The following GAB2 variants were observed in gnomAD, a reference collection of about 807,000 sequenced individuals.
The protein encoded by GAB2 is GRB2-associated-binding protein 2.
GAB2 carries 26 observed loss-of-function variants against 65.5 expected under a neutral mutation model. The ratio of observed to expected loss-of-function variants is 0.40; its 90% confidence interval spans 0.29 to 0.55. GAB2 has a LOEUF of 0.55. Among genes scored for constraint, GAB2 ranks in the 20% least tolerant of loss-of-function variants. The probability of loss-of-function intolerance (pLI) is 0.53; values close to 1 mark genes in which losing one functional copy is unlikely to be tolerated. For synonymous variants in GAB2, 321 were observed against 329.6 expected (o/e 0.97, Z 0.28); for missense variants, 884 against 875.8 (o/e 1.01, Z -0.12).
chr11:78,295,893 A>T (rs1037891068), intron 1 of GAB2, among the ~76,000 whole-genome samples: 1 of 152,294 alleles, frequency 6.6e-6, no homozygotes. Context: ...CAGCACAAAC[A>T]CTGTATTAGT....
chr11:78,276,126 A>AAG (rs1554982086), intron 2 of GAB2, among the ~76,000 whole-genome samples: 2 of 151,298 alleles, frequency 1.3e-5, no homozygotes, highest in African/African-American at 4.8e-5. Context: ...AAAAAAAAAA[A>AAG]AAGAAGAAGA....
At chr11:78,346,672 T>C (rs1856184670) in intron 1 of GAB2, among the ~76,000 whole-genome samples, 1 of 66,310 alleles carries the variant, frequency 1.5e-5, no homozygotes, top group Non-Finnish European at 3.0e-5. Context: ...TTACATCCCC[T>C]CCATATATAT....
chr11:78,300,695 G>GTTTTTTTT (rs769243672), intron 1 of GAB2, among the ~76,000 whole-genome samples: 2 of 113,252 alleles, frequency 1.8e-5, no homozygotes, highest in East Asian at 2.9e-4. Flanking sequence ...GTTTTTTTTT[G>GTTTTTTTT]TTTTTTTTTT....
At chr11:78,230,677 G>A (rs1261764435) in intron 3 of GAB2, among the ~76,000 whole-genome samples, 1 of 152,248 alleles carries the variant, frequency 6.6e-6, no homozygotes, top group Non-Finnish European at 1.5e-5. Flanking sequence ...TGTTGAGGGA[G>A]ACTGATTATC....
At chr11:78,415,113 C>A (rs1376650656) in intron 1 of GAB2, among the ~76,000 whole-genome samples, 1 of 152,184 alleles carries the variant, frequency 6.6e-6, no homozygotes, top group Non-Finnish European at 1.5e-5. Flanking sequence ...CTCCAGTGAT[C>A]CACCCGCCTC....
chr11:78,339,126 A>G (rs1422699969), intron 1 of GAB2, among the ~76,000 whole-genome samples: 2 of 151,996 alleles, frequency 1.3e-5, no homozygotes, highest in Non-Finnish European at 2.9e-5. Flanking sequence ...GGGATTTGCC[A>G]TGTTGGCCAG....
chr11:78,351,145 C>T (rs1016805005), intron 1 of GAB2, among the ~76,000 whole-genome samples: 2 of 152,132 alleles, frequency 1.3e-5, no homozygotes, highest in African/African-American at 4.8e-5. Context: ...TCCTAAAATA[C>T]GACAGGACTA....
chr11:78,364,294 C>G (rs949576064), intron 1 of GAB2, among the ~76,000 whole-genome samples: 1 of 152,114 alleles, frequency 6.6e-6, no homozygotes, highest in African/African-American at 2.4e-5. Context: ...CATGAACCAC[C>G]GCATGTGGCT....
Position 78,250,316 on chromosome 11 carries a change from C to T in GAB2, c.461G>A (p.Arg154Gln), listed in dbSNP as rs201941017. ...ELSSSSQHLL[R>Q]ERKSSAPSHS... is the part of the protein sequence containing the mutation. Reference sequence around the variant, plus strand: ...TGATGGGGCTGAGGACTTGCGCTCTCGGAGAAGGTGCTGGCTAGAGCTGCT... The same window carrying T: ...TGATGGGGCTGAGGACTTGCGCTCTTGGAGAAGGTGCTGGCTAGAGCTGCT... Residue 154 changes from arginine to glutamine, a missense_variant, in exon 3 of 10, where the codon CGA becomes CAA. Transcript: ENST00000361507. The T allele has an allele frequency of 1.2e-5, 20 of 1,613,428 alleles. No homozygotes were observed. Among genetic ancestry groups the T allele is most frequent in the African/African-American group, 8.0e-5 (6 of 74,800 alleles).
intron 1 of GAB2, among the ~76,000 whole-genome samples, chr11:78,301,587 C>G (rs1867021216): frequency 1.3e-5 from 2 of 152,162 alleles, no homozygotes; most frequent in African/African-American, 4.8e-5. Context: ...CCCACCTTGG[C>G]CTCTCAAAGT....
At chr11:78,252,093 A>G (rs1157690938) in intron 2 of GAB2, among the ~76,000 whole-genome samples, 1 of 152,156 alleles carries the variant, frequency 6.6e-6, no homozygotes, top group Non-Finnish European at 1.5e-5. Flanking sequence ...GTCAAAGGGG[A>G]CACAGTTCAC....
rs116483523 is a variant in GAB2, at chr11:78,219,070, C to T, written c.*202G>A. The T allele has an allele frequency of 3.6e-4, 198 of 555,202 alleles. 3 individuals are homozygous for T. Among genetic ancestry groups the T allele is most frequent in the African/African-American group, 2.1e-3 (109 of 52,878 alleles). The allele number at this position is 555,202 out of a possible 1,614,324, so 34.4% of individuals were successfully genotyped here. A position where few individuals can be genotyped will look rare whatever the true frequency, so the allele number is the denominator to read the frequency against. On this transcript the variant is annotated 3_prime_UTR_variant, in exon 10 of 10. Coordinates refer to ENST00000361507, the MANE Select transcript of GAB2 (RefSeq NM_080491.3). ...ACTGATAAAAATCACAGCTGGGCCC[C>T]GAGTGGGCAGAGGAGGTGCCTTGAT...
chr11:78,270,724 T>A (rs1865987919), intron 2 of GAB2, among the ~76,000 whole-genome samples: 1 of 152,224 alleles, frequency 6.6e-6, no homozygotes, highest in African/African-American at 2.4e-5. Flanking sequence ...CATCTTGTCC[T>A]ACAGACATAG....
chr11:78,294,524 T>G (rs1866771683), intron 1 of GAB2, among the ~76,000 whole-genome samples: 1 of 152,158 alleles, frequency 6.6e-6, no homozygotes, highest in African/African-American at 2.4e-5. Context: ...TAGTTTACAG[T>G]CCCACCAACA....
chr11:78,416,548 C>T (rs1049708665), intron 1 of GAB2, among the ~76,000 whole-genome samples: 3 of 152,200 alleles, frequency 2.0e-5, no homozygotes, highest in African/African-American at 4.8e-5. Flanking sequence ...GCAACGGCTC[C>T]CTTCCAGGCT....
chr11:78,237,790 G>A (rs554792972), intron 3 of GAB2, among the ~76,000 whole-genome samples: 1 of 152,300 alleles, frequency 6.6e-6, no homozygotes, highest in African/African-American at 2.4e-5. Context: ...ATGCCCATCA[G>A]TGATAGACTG....
At chr11:78,326,846 T>C (rs993200248) in intron 1 of GAB2, among the ~76,000 whole-genome samples, 1 of 152,192 alleles carries the variant, frequency 6.6e-6, no homozygotes, top group Non-Finnish European at 1.5e-5. Flanking sequence ...AATTTCCCCA[T>C]AAGCTATGCT....
At chr11:78,375,494 G>A (rs1380979260) in intron 1 of GAB2, among the ~76,000 whole-genome samples, 1 of 152,060 alleles carries the variant, frequency 6.6e-6, no homozygotes, top group African/African-American at 2.4e-5. Flanking sequence ...GCATTTATTG[G>A]TACAGCAAAT....
intron 1 of GAB2, among the ~76,000 whole-genome samples, chr11:78,407,548 T>G (rs925222638): frequency 4.0e-5 from 6 of 151,618 alleles, no homozygotes; most frequent in Non-Finnish European, 7.4e-5. Context: ...CAGGAGAATC[T>G]ATTGAACCTG....
Sources: allele counts gnomAD v4.1 joint callset (sites outside exome capture counted in the v4.1 genomes callset), GRCh38; gene constraint gnomAD v4.1.1; transcripts MANE v1.5; gene names NCBI Gene and HGNC (gene_info 2026-07-23, HGNC 2026-07-21).